The following MAMDC2 variants were observed in gnomAD, a reference collection of about 807,000 sequenced individuals.
The protein encoded by MAMDC2 is MAM domain-containing protein 2.
MAMDC2 carries 57 observed loss-of-function variants against 89.8 expected under a neutral mutation model. The ratio of observed to expected loss-of-function variants is 0.63; its 90% CI spans 0.51 to 0.79. The LOEUF (loss-of-function observed/expected upper bound fraction) is 0.79. Ranked by LOEUF, MAMDC2 falls within the 30% of genes least tolerant of loss-of-function variation. The pLI is 0.00. For missense variants in MAMDC2, 800 were observed against 820.6 expected (o/e 0.97, Z 0.31); for synonymous variants, 313 against 293.4 (o/e 1.07, Z -0.68).
At chr9:70,046,712 A>G (rs1445477065) in intron 2 of MAMDC2, among the ~76,000 whole-genome samples, 1 of 152,270 alleles carries the variant, frequency 6.6e-6, no homozygotes, top group Admixed American at 6.5e-5. Flanking sequence ...GTTTAATAGT[A>G]TAACGAAGGC....
chr9:70,190,573 T>C (rs894190063), intron 11 of MAMDC2, among the ~76,000 whole-genome samples: 15 of 145,932 alleles, frequency 1.0e-4, no homozygotes, highest in East Asian at 4.0e-4. Flanking sequence ...TTTTTTTTTT[T>C]CTGGGGATGT....
rs548260742 is a variant in MAMDC2 at position 70,216,980 on chromosome 9, C to G, written c.1652-1357C>G. On this transcript the variant is annotated intron_variant, in intron 11 of 13. Coordinates refer to ENST00000377182, the MANE Select transcript of MAMDC2 (RefSeq NM_153267.5). Reference sequence around the variant, plus strand: ...AATGTGAAATCACCTGGAGCTCGGACAGAATGCATACAATGGACTATTGGA... The same window carrying G: ...AATGTGAAATCACCTGGAGCTCGGAGAGAATGCATACAATGGACTATTGGA... 2.6e-5 allele frequency among the ~76,000 whole-genome samples: 4 copies of G among 152,312 alleles called. No individual in the cohort carries two copies. The East Asian group carries it at 7.7e-4, about 29-fold the overall frequency.
Position 70,218,326 on chromosome 9 carries a change from T to C in MAMDC2, c.1652-11T>C. On this transcript the variant is annotated splice_polypyrimidine_tract_variant and intron_variant, in intron 11 of 13. Coordinates refer to ENST00000377182, the MANE Select transcript of MAMDC2 (RefSeq NM_153267.5). ...CTTTTTAACAATACCTGCTTTTGCA[T>C]TCACCTCAAGGCTACTACATGTACA... 1 of 1,591,866 alleles carries C rather than the reference T, an allele frequency of 6.3e-7. No homozygotes were observed. Among genetic ancestry groups the C allele is most frequent in the Non-Finnish European group, 8.6e-7 (1 of 1,166,294 alleles).
chr9:70,143,674 G>A lies in MAMDC2; in HGVS notation c.1259G>A (p.Gly420Glu), dbSNP rs1486999602. The A allele has an allele frequency of 6.2e-7, 1 of 1,614,150 alleles. No individual in the cohort carries two copies. The highest frequency in any genetic ancestry group is 8.5e-7 in the Non-Finnish European group (1 of 1,180,008). ...YCLRFHYAIYGFLKMSDTLAV... is the reference protein window; with the variant it reads ...YCLRFHYAIYEFLKMSDTLAV... ...CTGCGTTTTCATTATGCCATCTATG[G>A]ATTTTTAAAAATGAGTGACACCCTA... The change falls in exon 9 of 14, where the codon GGA (glycine) becomes GAA (glutamate). Residue 420 changes from glycine (G) to glutamate (E), a missense_variant. By Grantham distance (98) the Gly-to-Glu change is moderately conservative. Transcript: ENST00000377182.
intron 11 of MAMDC2, chr9:70,217,777 G>A (rs977518058): frequency 1.3e-6 from 1 of 758,744 alleles, no homozygotes; most frequent in African/African-American, 1.8e-5. Context: ...GAATTAAGTA[G>A]GACAGGAAAC....
intron 11 of MAMDC2, among the ~76,000 whole-genome samples, chr9:70,203,230 A>G (rs1303933715): frequency 6.6e-6 from 1 of 151,850 alleles, no homozygotes; most frequent in African/African-American, 2.4e-5. Context: ...TTCCTTAAGG[A>G]GCTCTTTTAG....
intron 2 of MAMDC2, among the ~76,000 whole-genome samples, chr9:70,100,014 G>A (rs1828135004): frequency 6.8e-6 from 1 of 148,072 alleles, no homozygotes; most frequent in Admixed American, 6.7e-5. Context: ...GAGAGAGAGA[G>A]AGAGAGAGAG....
chr9:70,186,503 A>G (rs1218787591), intron 11 of MAMDC2, among the ~76,000 whole-genome samples: 1 of 152,206 alleles, frequency 6.6e-6, no homozygotes, highest in African/African-American at 2.4e-5. Context: ...CATCATATCT[A>G]TTGAGAAGTC....
chr9:70,217,112 G>C lies in MAMDC2; in HGVS notation c.1652-1225G>C, dbSNP rs747471592. 7.3e-6 allele frequency: 4 copies of C among 549,042 alleles called. No homozygotes were observed. The African/African-American group carries it at 7.6e-5, about 10-fold the overall frequency. The allele number at this position is 549,042 out of a possible 1,614,324, so 34.0% of individuals were successfully genotyped here. A position where few individuals can be genotyped will look rare whatever the true frequency, so the allele number is the denominator to read the frequency against. ...TAAAAATAGCAATAAAATAAAATTA[G>C]AAAAGGAAATTGGAAAGGCAATTTA... On this transcript the variant is annotated intron_variant, in intron 11 of 13. Coordinates refer to ENST00000377182, the MANE Select transcript of MAMDC2 (RefSeq NM_153267.5).
intron 9 of MAMDC2, among the ~76,000 whole-genome samples, chr9:70,159,432 T>C (rs2031886096): frequency 7.2e-6 from 1 of 139,384 alleles, no homozygotes; most frequent in Non-Finnish European, 1.6e-5. Context: ...GCAGCTCTTC[T>C]TCACTTCATG....
At chr9:70,123,024 A>G (rs2030355414) in intron 5 of MAMDC2, among the ~76,000 whole-genome samples, 1 of 152,192 alleles carries the variant, frequency 6.6e-6, no homozygotes, top group Non-Finnish European at 1.5e-5. Context: ...CTGGAGACCC[A>G]GTCAATGATG....
chr9:70,180,038 G>A (rs1381397887), intron 11 of MAMDC2, among the ~76,000 whole-genome samples: 3 of 139,934 alleles, frequency 2.1e-5, no homozygotes, highest in East Asian at 2.1e-4. Flanking sequence ...AACAGGCCCC[G>A]GTGTGTGATG....
At chr9:70,048,644 C>T (rs1008740523) in intron 2 of MAMDC2, among the ~76,000 whole-genome samples, 2 of 152,114 alleles carry the variant, frequency 1.3e-5, no homozygotes, top group African/African-American at 4.8e-5. Flanking sequence ...TTCATTTATC[C>T]TATAAAAAAA....
At chr9:70,136,556 T>A (rs2031019769) in intron 7 of MAMDC2, among the ~76,000 whole-genome samples, 1 of 152,180 alleles carries the variant, frequency 6.6e-6, no homozygotes, top group South Asian at 2.1e-4. Context: ...ATAACTGAGT[T>A]AAGATTCTCT....
chr9:70,132,378 G>T (rs1389429118), intron 7 of MAMDC2, among the ~76,000 whole-genome samples: 2 of 152,090 alleles, frequency 1.3e-5, no homozygotes, highest in African/African-American at 2.4e-5. Flanking sequence ...GAGACATTAT[G>T]GTCACCCCGC....
At chr9:70,188,296 A>G (rs1587554562) in intron 11 of MAMDC2, among the ~76,000 whole-genome samples, 1 of 152,304 alleles carries the variant, frequency 6.6e-6, no homozygotes, top group East Asian at 1.9e-4. Flanking sequence ...AGTGTTAACA[A>G]TTACGATTTA....
At chr9:70,218,681 T>C (rs2033496384) in intron 12 of MAMDC2, 85 bp downstream of exon 12, 1 of 1,451,702 alleles carries the variant, frequency 6.9e-7, no homozygotes, top group African/African-American at 1.4e-5. Flanking sequence ...CCAAAGAGAA[T>C]ATTTTGTTCT....
intron 12 of MAMDC2, among the ~76,000 whole-genome samples, chr9:70,219,259 C>A (rs1340917386): frequency 1.3e-5 from 2 of 152,362 alleles, no homozygotes; most frequent in African/African-American, 4.8e-5. Flanking sequence ...AGAACCACAC[C>A]TGCCTTCTGA....
chr9:70,188,134 TC>T (rs2032797802), intron 11 of MAMDC2, among the ~76,000 whole-genome samples: 1 of 152,202 alleles, frequency 6.6e-6, no homozygotes, highest in African/African-American at 2.4e-5. Flanking sequence ...CCACTCCAGT[TC>T]TTTTTTGGGA....
Sources: gnomAD v4.1 joint callset for allele counts (sites outside exome capture counted in the v4.1 genomes callset) on GRCh38, gnomAD v4.1.1 for gene constraint, MANE v1.5 for transcripts, NCBI Gene and HGNC (gene_info 2026-07-23, HGNC 2026-07-21) for gene names.